Variants in KANK2 observed in about 807,000 individuals in gnomAD.
The protein encoded by KANK2 is KN motif and ankyrin repeat domains 2, also known as KN motif and ankyrin repeat domain-containing protein 2.
KANK2 carries 41 observed loss-of-function variants against 74.6 expected under a neutral mutation model. The observed-to-expected ratio is 0.55, with a 90% CI of 0.43 to 0.71. The LOEUF (loss-of-function observed/expected upper bound fraction) is 0.71, where lower values mean the gene tolerates loss of function less well. Among genes scored for constraint, KANK2 ranks in the 30% least tolerant of loss-of-function variants. The probability of loss-of-function intolerance (pLI) is 0.00; values close to 1 mark genes in which losing one functional copy is unlikely to be tolerated. For synonymous variants in KANK2, 537 were observed against 519.0 expected, an observed-to-expected ratio of 1.03 and a Z score of -0.47; for missense variants, 1,148 against 1,196.4, an observed-to-expected ratio of 0.96 and a Z score of 0.60.
chr19:11,177,248 G>A (rs1286733884), intron 6 of KANK2, among the ~76,000 whole-genome samples: 1 of 151,910 alleles, frequency 6.6e-6, no homozygotes, highest in African/African-American at 2.4e-5. Flanking sequence ...CACTGTGCTC[G>A]GCTAATTTTT....
intron 4 of KANK2, among the ~76,000 whole-genome samples, chr19:11,187,993 C>G (rs1450309042): frequency 6.6e-6 from 1 of 152,026 alleles, no homozygotes; most frequent in Non-Finnish European, 1.5e-5. Flanking sequence ...GAAAAAAGAA[C>G]TGAGGCAGAG....
chr19:11,182,259 A>C (rs2078543201), intron 4 of KANK2, among the ~76,000 whole-genome samples: 1 of 151,970 alleles, frequency 6.6e-6, no homozygotes, highest in Non-Finnish European at 1.5e-5. Context: ...ACAATATTGT[A>C]AATGGCGAAA....
intron 10 of KANK2, among the ~76,000 whole-genome samples, chr19:11,171,805 G>A (rs903983807): frequency 2.7e-5 from 4 of 150,772 alleles, no homozygotes; most frequent in Non-Finnish European, 5.9e-5. Flanking sequence ...TGAGTAGCTG[G>A]GATTACAGGC....
chr19:11,172,526 C>A (rs1171551353), intron 10 of KANK2, among the ~76,000 whole-genome samples: 1 of 152,128 alleles, frequency 6.6e-6, no homozygotes, highest in Non-Finnish European at 1.5e-5. Context: ...TTCTGCTTCC[C>A]AACACACAGC....
Position 11,176,797 on chromosome 19 carries a change from T to A in KANK2, c.1541A>T (p.Asp514Val). 6.5e-7 allele frequency: 1 copy of A among 1,537,274 alleles called. No homozygotes were observed. The highest frequency in any genetic ancestry group is 1.3e-5 in the South Asian group (1 of 79,956). Residue 514 changes from aspartate to valine, a missense_variant, in exon 7 of 13, where the codon GAC (aspartate) becomes GTC (valine). By Grantham distance (152) the Asp-to-Val change is radical. Transcript: ENST00000586659. ...VNGGYESSSEDSSTAENISDN... is the reference protein window; with the variant it reads ...VNGGYESSSEVSSTAENISDN... ...TGAGATGTTCTCTGCTGTGCTGGAG[T>A]CCTCGGATGACGACTCATACCTGGG...
chr19:11,168,023 T>C (rs1369562689), intron 12 of KANK2, among the ~76,000 whole-genome samples: 5 of 150,204 alleles, frequency 3.3e-5, no homozygotes, highest in Non-Finnish European at 7.4e-5. Flanking sequence ...TTTTTTTTTT[T>C]TTTCTTTGAG....
rs991504821 is a variant in KANK2 at position 11,165,245 on chromosome 19, A to G, written c.*1313T>C. ...CTGGCCCATGTTTGGTTTTCAGCAA[A>G]GCCCTGTCTCTTGAAGTTTGCGCTG... On this transcript the variant is annotated 3_prime_UTR_variant, in exon 13 of 13. Coordinates refer to ENST00000586659, the MANE Select transcript of KANK2 (RefSeq NM_001136191.3). 5 of 152,202 alleles carry G rather than the reference A, an allele frequency of 3.3e-5. No individual in the cohort carries two copies. Among genetic ancestry groups the G allele is most frequent in the Non-Finnish European group, 7.3e-5 (5 of 68,054 alleles). The allele number at this position is 152,202 out of a possible 1,614,324, so 9.4% of individuals were successfully genotyped here.
At chr19:11,172,898 C>T (rs2078217130) in intron 10 of KANK2, 83 bp downstream of exon 10, 1 of 1,482,724 alleles carries the variant, frequency 6.7e-7, no homozygotes. Flanking sequence ...AGTTAGACCA[C>T]CTGGGTTTGG....
chr19:11,191,833 G>C (rs1184237300), intron 4 of KANK2, among the ~76,000 whole-genome samples: 1 of 152,218 alleles, frequency 6.6e-6, no homozygotes. Context: ...CAAGACAGGA[G>C]CATCATTTGA....
At chr19:11,168,166 C>T (rs2078076764) in intron 12 of KANK2, among the ~76,000 whole-genome samples, 1 of 151,882 alleles carries the variant, frequency 6.6e-6, no homozygotes, top group African/African-American at 2.4e-5. Flanking sequence ...CCACACCCGG[C>T]TAATATTTTG....
chr19:11,174,776 A>G (rs1304509344), intron 8 of KANK2, 84 bp from the exon 9 acceptor site: 5 of 1,098,030 alleles, frequency 4.6e-6, no homozygotes, highest in Non-Finnish European at 6.7e-6. Context: ...CCCCCGGAGC[A>G]AAGCGTGGTG....
Position 11,170,161 on chromosome 19 carries a change from C to A in KANK2, c.2299G>T (p.Val767Leu), listed in dbSNP as rs371555055. Residue 767 changes from valine to leucine, a missense_variant, in exon 11 of 13, where the codon GTG becomes TTG. Physicochemically the swap from Val to Leu is conservative, Grantham distance 32. Transcript: ENST00000586659. The surrounding 1 kb of genome is among the most constrained non-coding windows in gnomAD (Gnocchi z 5.2). ...ALLACEADVN[V>L]QDDDGSTALM... ...GCCGTGGAGCCGTCATCATCTTGCA[C>A]GTTGACATCTGCCTCACAGGCCAGC... 5.0e-6 allele frequency: 8 copies of A among 1,612,200 alleles called. No individual in the cohort carries two copies. The highest frequency in any genetic ancestry group is 1.3e-5 in the African/African-American group (1 of 74,946).
chr19:11,179,562 C>T (rs551350953), intron 4 of KANK2, among the ~76,000 whole-genome samples: 7 of 150,974 alleles, frequency 4.6e-5, no homozygotes, highest in South Asian at 4.2e-4. Context: ...TGCTTGAACC[C>T]GGGAGGCAGA....
intron 4 of KANK2, among the ~76,000 whole-genome samples, chr19:11,184,158 C>A (rs922306548): frequency 6.6e-6 from 1 of 152,106 alleles, no homozygotes; most frequent in African/African-American, 2.4e-5. Flanking sequence ...GGGCGGATCA[C>A]TTGAGTCAGG....
intron 4 of KANK2, among the ~76,000 whole-genome samples, chr19:11,192,043 G>A (rs967177747): frequency 6.6e-6 from 1 of 152,180 alleles, no homozygotes; most frequent in African/African-American, 2.4e-5. Flanking sequence ...CTGGGCAATG[G>A]AGCGAGACTC....
chr19:11,178,663 G>A lies in KANK2; in HGVS notation c.1307C>T (p.Ser436Phe). Reference protein sequence around the residue: ...SSSPPGSEVASLTQPEKSTGR... With the variant: ...SSSPPGSEVAFLTQPEKSTGR... ...TGTGCTCTTCTCAGGCTGTGTAAGG[G>A]AGGCTACCTCGGACCCCGGGGGTGA... Residue 436 changes from serine (S) to phenylalanine (F), a missense_variant, in exon 5 of 13, where the codon TCC becomes TTC. Transcript: ENST00000586659. 2 of 1,561,712 alleles carry A rather than the reference G, an allele frequency of 1.3e-6. No homozygotes were observed. The highest frequency in any genetic ancestry group is 8.6e-7 in the Non-Finnish European group (1 of 1,160,368).
rs142011795 is a variant in KANK2 at position 11,183,800 on chromosome 19, G to A, written c.1250-5080C>T. 4.7e-3 allele frequency among the ~76,000 whole-genome samples: 711 copies of A among 151,944 alleles called. 3 individuals are homozygous for A. The highest frequency in any genetic ancestry group is 0.016 in the African/African-American group (678 of 41,450). ...CGAGTAGCTGGGATTACAAGTGCCC[G>A]CTACCATGCCCAGCTAATTTTTTTG... On this transcript the variant is annotated intron_variant, in intron 4 of 12. Coordinates refer to ENST00000586659, the MANE Select transcript of KANK2 (RefSeq NM_001136191.3).
In KANK2 at chr19:11,165,579, T is replaced by C. The variant is rs112024639; in HGVS notation, c.*979A>G. The C allele has an allele frequency of 4.7e-5, 7 of 149,042 alleles. No individual in the cohort carries two copies. The highest frequency in any genetic ancestry group is 7.5e-5 in the Non-Finnish European group (5 of 66,976). 9.2% of individuals were successfully genotyped at this position (149,042 alleles called of 1,614,324 possible). ...TTTCTGGGTAATTTGTCTCTTTTTC[T>C]TTTCTTTCTTGAGACAGGGTCTCGC... On this transcript the variant is annotated 3_prime_UTR_variant, in exon 13 of 13. Coordinates refer to ENST00000586659, the MANE Select transcript of KANK2 (RefSeq NM_001136191.3).
In KANK2 at chr19:11,164,967, T is replaced by A. The variant is rs1016062342; in HGVS notation, c.*1591A>T. The A allele has an allele frequency of 6.6e-6, 1 of 152,150 alleles. No homozygotes were observed. The highest frequency in any genetic ancestry group is 6.6e-5 in the Admixed American group (1 of 15,246). The allele number at this position is 152,150 out of a possible 1,614,324, so 9.4% of individuals were successfully genotyped here. On this transcript the variant is annotated 3_prime_UTR_variant, in exon 13 of 13. Transcript: ENST00000586659. ...TTAAAGCCTTGGAGGCTGAGCTCAC[T>A]GGCCTCGAAAGGGCAGCGCGCGTAT...
Sources: gnomAD v4.1 joint callset for allele counts (sites outside exome capture counted in the v4.1 genomes callset) on GRCh38, gnomAD v4.1.1 for gene constraint, Gnocchi (gnomAD v3.1) non-coding constraint, MANE v1.5 for transcripts, NCBI Gene and HGNC (gene_info 2026-07-23, HGNC 2026-07-21) for gene names.